TMEM177: variants seen among roughly 807,000 people sequenced by gnomAD.
The protein encoded by TMEM177 is transmembrane protein 177.
In TMEM177, 4 loss-of-function variants were observed where a neutral mutation model predicts 14.2. The observed-to-expected ratio is 0.28, with a 90% CI of 0.14 to 0.64. TMEM177 has a LOEUF of 0.64. Ranked by LOEUF, TMEM177 falls within the 30% of genes least tolerant of loss-of-function variation. TMEM177 has a pLI of 0.82. For synonymous variants in TMEM177, 179 were observed against 174.5 expected (o/e 1.03, Z -0.20); for missense variants, 344 against 405.2 (o/e 0.85, Z 1.30).
chr2:119,720,351 C>G, the TMEM177 span, among the ~76,000 whole-genome samples: 2 of 151,872 alleles, frequency 1.3e-5, no homozygotes, highest in African/African-American at 4.8e-5. Context: ...CTCGGCTCAC[C>G]GCAACCTCTG....
At chr2:119,697,653 C>T in the TMEM177 span, among the ~76,000 whole-genome samples, 1 of 152,210 alleles carries the variant, frequency 6.6e-6, no homozygotes, top group Non-Finnish European at 1.5e-5. Context: ...CAGAAAACTA[C>T]TCGATTCCTC....
At chr2:119,704,669 G>A in the TMEM177 span, among the ~76,000 whole-genome samples, 25 of 152,160 alleles carry the variant, frequency 1.6e-4, no homozygotes, top group South Asian at 2.1e-4. Context: ...CATTTTCATC[G>A]TTGTGCAAAC....
At chr2:119,687,054 A>G (rs544119873), downstream of TMEM177, among the ~76,000 whole-genome samples, 55 of 152,258 alleles carry the variant, frequency 3.6e-4, no homozygotes, top group African/African-American at 1.3e-3. Context: ...GTTCTAAACA[A>G]TAGAATACAG....
At position 119,681,990 on chromosome 2, in the gene TMEM177, G is replaced by C; in HGVS notation, c.*201G>C. The C allele has an allele frequency of 1.7e-6, 1 of 576,614 alleles. No homozygotes were observed. The highest frequency in any genetic ancestry group is 2.8e-5 in the East Asian group (1 of 35,382). The allele number at this position is 576,614 out of a possible 1,614,324, so 35.7% of individuals were successfully genotyped here. A position where few individuals can be genotyped will look rare whatever the true frequency, so the allele number is the denominator to read the frequency against. Reference sequence around the variant, plus strand: ...GACTATTCAGGGGCTATGAATCTGAGCCTTTGTTTCTTGAACTGTAAAGTG... The same window carrying C: ...GACTATTCAGGGGCTATGAATCTGACCCTTTGTTTCTTGAACTGTAAAGTG... On this transcript the variant is annotated 3_prime_UTR_variant, in exon 2 of 2. Coordinates refer to ENST00000272521, the MANE Select transcript of TMEM177 (RefSeq NM_030577.3).
chr2:119,708,259 C>T, the TMEM177 span, among the ~76,000 whole-genome samples: 11 of 152,150 alleles, frequency 7.2e-5, no homozygotes, highest in African/African-American at 1.9e-4. Flanking sequence ...CATCTCTTAG[C>T]TTTAACAATG....
chr2:119,679,643 T>C (rs1360266463), intron 1 of TMEM177: 1 of 152,368 alleles, frequency 6.6e-6, no homozygotes, highest in East Asian at 1.9e-4. Flanking sequence ...AGTGAAATAA[T>C]TGTGAATTTT....
rs750845281 is a variant in TMEM177, at chr2:119,681,366, G to C, written c.513G>C (p.Leu171=). 1 of 1,613,826 alleles carries C rather than the reference G, an allele frequency of 6.2e-7. No homozygotes were observed. The highest frequency in any genetic ancestry group is 8.5e-7 in the Non-Finnish European group (1 of 1,179,748). The change falls in exon 2 of 2, where the codon CTG becomes CTC. Residue 171 remains leucine (L), a synonymous_variant. Coordinates refer to ENST00000272521, the MANE Select transcript of TMEM177 (RefSeq NM_030577.3). ...GCAGTACCACTGCCGTGCACGCCCTGCTGGCCCCAGCTTGCCTGGCAGGGA... is the reference window on the plus strand; with the variant it reads ...GCAGTACCACTGCCGTGCACGCCCTCCTGGCCCCAGCTTGCCTGGCAGGGA... ...LESSTTAVHA[L]LAPACLAGTW...
chr2:119,680,718 CT>C, intron 1 of TMEM177, 113 bp from the exon 2 acceptor site: 1 of 786,662 alleles, frequency 1.3e-6, no homozygotes, highest in Non-Finnish European at 2.0e-6. Flanking sequence ...AGCCCACACT[CT>C]TCACCACTAT....
At chr2:119,699,956 A>G in the TMEM177 span, 1 of 402,292 alleles carries the variant, frequency 2.5e-6, no homozygotes, top group South Asian at 2.0e-5. Context: ...GAGCACATCC[A>G]GGTGAATAAA....
chr2:119,695,002 T>A, the TMEM177 span, among the ~76,000 whole-genome samples: 1 of 152,202 alleles, frequency 6.6e-6, no homozygotes, highest in Non-Finnish European at 1.5e-5. Flanking sequence ...ATTCTGCTCC[T>A]GGGAGGCAGC....
downstream of TMEM177, among the ~76,000 whole-genome samples, chr2:119,687,271 G>A (rs1486443781): frequency 2.0e-5 from 3 of 152,174 alleles, no homozygotes; most frequent in Non-Finnish European, 4.4e-5. Context: ...ACAAGGCACT[G>A]AATCCTACCA....
chr2:119,707,405 T>G, the TMEM177 span, among the ~76,000 whole-genome samples: 1 of 152,230 alleles, frequency 6.6e-6, no homozygotes, highest in Admixed American at 6.5e-5. Context: ...CTGGGACCAC[T>G]GTGGAGAATT....
chr2:119,722,335 T>C, the TMEM177 span, among the ~76,000 whole-genome samples: 1 of 149,724 alleles, frequency 6.7e-6, no homozygotes, highest in African/African-American at 2.5e-5. Context: ...TGAGCTATGA[T>C]CGTACCACAG....
chr2:119,691,575 C>T, the TMEM177 span, among the ~76,000 whole-genome samples: 1 of 152,164 alleles, frequency 6.6e-6, no homozygotes, highest in Non-Finnish European at 1.5e-5. Flanking sequence ...CCAGCTGGGA[C>T]CTCTGTAAGG....
At chr2:119,698,349 C>A in the TMEM177 span, among the ~76,000 whole-genome samples, 1 of 152,200 alleles carries the variant, frequency 6.6e-6, no homozygotes, top group South Asian at 2.1e-4. Context: ...GCTAGAAAGT[C>A]TTTGGTTCTG....
the TMEM177 span, among the ~76,000 whole-genome samples, chr2:119,707,677 A>T: frequency 6.6e-6 from 1 of 152,204 alleles, no homozygotes; most frequent in Non-Finnish European, 1.5e-5. Flanking sequence ...CTAATGTGCA[A>T]ACTATGCTTC....
chr2:119,719,597 T>A, the TMEM177 span, among the ~76,000 whole-genome samples: 1 of 152,094 alleles, frequency 6.6e-6, no homozygotes, highest in Non-Finnish European at 1.5e-5. Context: ...AAAACACTCT[T>A]TGGTTTTTGT....
the TMEM177 span, among the ~76,000 whole-genome samples, chr2:119,694,299 C>G: frequency 6.6e-6 from 1 of 151,158 alleles, no homozygotes; most frequent in Non-Finnish European, 1.5e-5. Context: ...CACACACACA[C>G]ACACTATACC....
At chr2:119,708,892 C>G in the TMEM177 span, among the ~76,000 whole-genome samples, 3 of 152,200 alleles carry the variant, frequency 2.0e-5, no homozygotes, top group Non-Finnish European at 4.4e-5. Context: ...TTGTTTTCCT[C>G]ATACTAGGTA....
Sources: gnomAD v4.1 joint callset for allele counts (sites outside exome capture counted in the v4.1 genomes callset) on GRCh38, gnomAD v4.1.1 for gene constraint, MANE v1.5 for transcripts, NCBI Gene and HGNC (gene_info 2026-07-23, HGNC 2026-07-21) for gene names.